The following BFSP2 variants were observed in gnomAD, a reference collection of about 807,000 sequenced individuals.
BFSP2 encodes the protein phakinin.
Under a neutral mutation model 44.9 loss-of-function variants are expected in BFSP2, and 38 were observed. That is an observed-to-expected ratio of 0.85 (90% CI 0.65 to 1.11). The LOEUF is 1.11. Ranked by LOEUF, BFSP2 falls within the 50% of genes least tolerant of loss-of-function variation. The pLI, the probability that BFSP2 is intolerant of heterozygous loss-of-function variation, is 0.00. For synonymous variants in BFSP2, 197 were observed against 209.9 expected, an observed-to-expected ratio of 0.94 and a Z score of 0.53; for missense variants, 525 against 533.0, an observed-to-expected ratio of 0.99 and a Z score of 0.15.
chr3:133,421,962 C>A (rs2073596611), intron 1 of BFSP2, among the ~76,000 whole-genome samples: 2 of 152,040 alleles, frequency 1.3e-5, no homozygotes, highest in Admixed American at 1.3e-4. Flanking sequence ...CAAAAATTAG[C>A]TGGGTGTGGT....
intron 1 of BFSP2, among the ~76,000 whole-genome samples, chr3:133,443,326 A>G (rs1404403391): frequency 1.3e-5 from 2 of 152,186 alleles, no homozygotes; most frequent in African/African-American, 4.8e-5. Flanking sequence ...ATGCCATTTA[A>G]ATCTGTGTGG....
chr3:133,475,045 C>T lies in BFSP2; in HGVS notation c.*73C>T, dbSNP rs537979573. On this transcript the variant is annotated 3_prime_UTR_variant, in exon 7 of 7. Coordinates refer to ENST00000302334, the MANE Select transcript of BFSP2 (RefSeq NM_003571.4). ...CTGACCCAAGAAGTTGCTTGAGGAG[C>T]TTTCTCCTGAGCTCCAGTCCCTGCT... 1.8e-4 allele frequency: 287 copies of T among 1,582,930 alleles called. No homozygotes were observed. Among genetic ancestry groups the T allele is most frequent in the Admixed American group, 5.5e-4 (33 of 59,984 alleles).
intron 1 of BFSP2, among the ~76,000 whole-genome samples, chr3:133,424,212 ATTTTTTTT>A (rs112772093): frequency 1.2e-4 from 8 of 64,772 alleles, no homozygotes; most frequent in South Asian, 7.7e-4. Context: ...CGTCCAGCTA[ATTTTTTTT>A]TTTTTTTTTT....
At chr3:133,416,638 TTCTACTCACCTCTGTCCTCTCCCC>T (rs2073533852) in intron 1 of BFSP2, among the ~76,000 whole-genome samples, 1 of 46,598 alleles carries the variant, frequency 2.1e-5, no homozygotes, top group Non-Finnish European at 4.2e-5. Context: ...GTCCTCTCCC[TTCTACTCACCTCTGTCCTCTCCCC>T]TCTACTCACC....
intron 1 of BFSP2, among the ~76,000 whole-genome samples, chr3:133,441,653 G>A (rs1448957655): frequency 6.6e-6 from 1 of 152,130 alleles, no homozygotes; most frequent in East Asian, 1.9e-4. Context: ...TAGCACTACT[G>A]CTGGGCTCAT....
At chr3:133,432,902 C>G (rs1384752585) in intron 1 of BFSP2, among the ~76,000 whole-genome samples, 2 of 152,220 alleles carry the variant, frequency 1.3e-5, no homozygotes, top group Non-Finnish European at 2.9e-5. Flanking sequence ...CTTGACCTTA[C>G]TGTTTTAGCC....
Position 133,458,227 on chromosome 3 carries a change from T to C in BFSP2, c.891+7763T>C, listed in dbSNP as rs905612648. Among the ~76,000 whole-genome samples, 29 of 152,226 alleles carry C rather than the reference T, an allele frequency of 1.9e-4. No homozygotes were observed. In the South Asian group the frequency reaches 2.7e-3, roughly 14 times the overall value. On this transcript the variant is annotated intron_variant, in intron 4 of 6. Coordinates refer to ENST00000302334, the MANE Select transcript of BFSP2 (RefSeq NM_003571.4). ...TTGTGTGTACTAGCAGATCATATCTTTTGCCCATTTGGGTTACTGTAGTTG... is the reference window on the plus strand; with the variant it reads ...TTGTGTGTACTAGCAGATCATATCTCTTGCCCATTTGGGTTACTGTAGTTG...
chr3:133,457,556 A>T (rs74754410), intron 4 of BFSP2, among the ~76,000 whole-genome samples: 2,273 of 152,110 alleles, frequency 0.015, 58 homozygotes, highest in African/African-American at 0.051. Context: ...AAATATATAT[A>T]TTTTTTTTCC....
intron 4 of BFSP2, among the ~76,000 whole-genome samples, chr3:133,463,134 C>A (rs1487981242): frequency 6.6e-6 from 1 of 152,106 alleles, no homozygotes; most frequent in Non-Finnish European, 1.5e-5. Context: ...CATGGAGAAA[C>A]CCCATCTCTA....
chr3:133,464,050 C>T (rs2107938287), intron 4 of BFSP2, among the ~76,000 whole-genome samples: 1 of 152,324 alleles, frequency 6.6e-6, no homozygotes, highest in East Asian at 1.9e-4. Context: ...TCTGTAGCTA[C>T]ATTGTCTGAC....
intron 1 of BFSP2, among the ~76,000 whole-genome samples, chr3:133,425,751 C>A: frequency 1.6e-5 from 2 of 125,436 alleles, no homozygotes; most frequent in Admixed American, 8.5e-5. Context: ...GAAATCTAAG[C>A]AGGACAAAGG....
At chr3:133,449,116 G>A in intron 3 of BFSP2, 1 of 166,208 alleles carries the variant, frequency 6.0e-6, no homozygotes, top group Non-Finnish European at 1.3e-5. Flanking sequence ...TTCCCTGCGA[G>A]ACTTCAGCAA....
Position 133,452,057 on chromosome 3 carries a change from C to A in BFSP2, c.891+1593C>A, listed in dbSNP as rs375206522. 5.3e-4 allele frequency among the ~76,000 whole-genome samples: 81 copies of A among 152,304 alleles called. No individual in the cohort carries two copies. The South Asian group carries it at 0.017, about 32-fold the overall frequency. On this transcript the variant is annotated intron_variant, in intron 4 of 6. Transcript: ENST00000302334. Reference sequence around the variant, plus strand: ...CAGCAGAATTATTTCAGAGCATTTTCAAAAATCGCCATCCCAGACCAACCA... The same window carrying A: ...CAGCAGAATTATTTCAGAGCATTTTAAAAAATCGCCATCCCAGACCAACCA...
intron 1 of BFSP2, among the ~76,000 whole-genome samples, chr3:133,436,449 T>A (rs1351226121): frequency 6.6e-6 from 1 of 152,040 alleles, no homozygotes; most frequent in Non-Finnish European, 1.5e-5. Flanking sequence ...TAGGCATAGG[T>A]TGCTTCCAAT....
chr3:133,426,244 C>A (rs2073653308), intron 1 of BFSP2, among the ~76,000 whole-genome samples: 2 of 151,920 alleles, frequency 1.3e-5, no homozygotes, highest in African/African-American at 4.8e-5. Flanking sequence ...GCAGTATGGC[C>A]CACTGGCATC....
chr3:133,434,349 C>G (rs2073759508), intron 1 of BFSP2, among the ~76,000 whole-genome samples: 1 of 152,116 alleles, frequency 6.6e-6, no homozygotes, highest in South Asian at 2.1e-4. Flanking sequence ...TCACCCCTTA[C>G]CACAAAAATC....
intron 1 of BFSP2, among the ~76,000 whole-genome samples, chr3:133,416,706 T>A (rs1576563311): frequency 3.1e-5 from 2 of 64,234 alleles, no homozygotes; most frequent in South Asian, 6.4e-4. Flanking sequence ...CCCTCTACTC[T>A]CCCCATCCTC....
chr3:133,450,224 G>A (rs2073949105), intron 3 of BFSP2, 79 bp from the exon 4 acceptor site: 2 of 1,521,528 alleles, frequency 1.3e-6, no homozygotes, highest in African/African-American at 2.7e-5. Flanking sequence ...TGCCCACAGA[G>A]CTGGTTTTCT....
At chr3:133,448,153 T>C (rs1444803038) in intron 2 of BFSP2, among the ~76,000 whole-genome samples, 1 of 152,190 alleles carries the variant, frequency 6.6e-6, no homozygotes, top group Non-Finnish European at 1.5e-5. Context: ...AAAGGATCCT[T>C]GGTTGAAAAG....
Sources: allele counts gnomAD v4.1 joint callset (sites outside exome capture counted in the v4.1 genomes callset), GRCh38; gene constraint gnomAD v4.1.1; transcripts MANE v1.5; gene names NCBI Gene and HGNC (gene_info 2026-07-23, HGNC 2026-07-21).